Variants in SLC22A23 observed in about 807,000 individuals in gnomAD.
SLC22A23 encodes the protein solute carrier family 22 member 23.
SLC22A23 carries 26 observed loss-of-function variants against 61.0 expected under a neutral mutation model. The observed-to-expected ratio is 0.43, with a 90% confidence interval of 0.31 to 0.59. The LOEUF is 0.59. SLC22A23 is among the 20% of genes least tolerant of loss of function. The pLI, the probability that SLC22A23 is intolerant of heterozygous loss-of-function variation, is 0.11. For synonymous variants in SLC22A23, 430 were observed against 413.9 expected (o/e 1.04, Z -0.47); for missense variants, 796 against 934.7 (o/e 0.85, Z 1.94).
At chr6:3,384,659 A>C (rs1363947435) in intron 3 of SLC22A23, among the ~76,000 whole-genome samples, 1 of 152,222 alleles carries the variant, frequency 6.6e-6, no homozygotes, top group Non-Finnish European at 1.5e-5. Flanking sequence ...TGCTTATGGT[A>C]AGTTAAGCCA....
At chr6:3,334,041 T>G (rs1455881963) in intron 3 of SLC22A23, among the ~76,000 whole-genome samples, 2 of 152,196 alleles carry the variant, frequency 1.3e-5, no homozygotes, top group Non-Finnish European at 2.9e-5. Flanking sequence ...AGCCCTGAGA[T>G]CCTATAATTA....
At position 3,456,228 on chromosome 6, in the gene SLC22A23, C is replaced by T. The variant is rs943997820; in HGVS notation, c.332G>A (p.Gly111Asp). The change falls in exon 1 of 10, where the codon GGC becomes GAC. Residue 111 changes from glycine to aspartate, a missense_variant. Gly to Asp is a moderately conservative substitution (Grantham distance 94, BLOSUM62 -1). Coordinates refer to ENST00000406686, the MANE Select transcript of SLC22A23 (RefSeq NM_015482.2). The surrounding 1 kb of genome is among the most constrained non-coding windows in gnomAD (Gnocchi z 7.1). ...LLTWIPALFIGFSQFSDSFLL... is the reference protein window; with the variant it reads ...LLTWIPALFIDFSQFSDSFLL... ...GAACGAGTCCGAGAACTGGCTGAAG[C>T]CGATGAACAGCGCCGGGATCCAGGT... 6.4e-7 allele frequency: 1 copy of T among 1,551,406 alleles called. No homozygotes were observed. Among genetic ancestry groups the T allele is most frequent in the East Asian group, 2.4e-5 (1 of 40,996 alleles).
At chr6:3,300,890 C>T (rs1252419671) in intron 4 of SLC22A23, among the ~76,000 whole-genome samples, 1 of 152,156 alleles carries the variant, frequency 6.6e-6, no homozygotes, top group Admixed American at 6.5e-5. Flanking sequence ...AAAAGCTGTC[C>T]TGCTGAGCAG....
intron 3 of SLC22A23, among the ~76,000 whole-genome samples, chr6:3,401,535 C>G (rs1768391704): frequency 6.6e-6 from 1 of 152,172 alleles, no homozygotes; most frequent in African/African-American, 2.4e-5. Context: ...TTACATTAAT[C>G]ACTACATGGA....
At chr6:3,432,406 G>A (rs1770926546) in intron 1 of SLC22A23, 2 of 985,294 alleles carry the variant, frequency 2.0e-6, no homozygotes, top group Non-Finnish European at 2.4e-6. Context: ...GAACCTAAAG[G>A]AACCAATCTT....
rs1758388926 is a variant in SLC22A23 at position 3,270,184 on chromosome 6, A to C, written c.*2871T>G. On this transcript the variant is annotated 3_prime_UTR_variant, in exon 10 of 10. Coordinates refer to ENST00000406686, the MANE Select transcript of SLC22A23 (RefSeq NM_015482.2). ...AACGGAGGGGTGTGTGGAGGAGAGT[A>C]GCAGGGGGTGGGAGGGTCAAGTTGA... 1 of 152,396 alleles carries C rather than the reference A, an allele frequency of 6.6e-6. No individual in the cohort carries two copies. The highest frequency in any genetic ancestry group is 1.9e-4 in the East Asian group (1 of 5,326). 9.4% of individuals were successfully genotyped at this position (152,396 alleles called of 1,614,324 possible).
intron 5 of SLC22A23, chr6:3,290,927 CAAG>C (rs912166893): frequency 8.5e-5 from 13 of 152,306 alleles, no homozygotes; most frequent in African/African-American, 3.1e-4. Context: ...TCACCAGAAA[CAAG>C]AAAGACTGAG....
At chr6:3,413,816 T>C (rs890443358) in intron 2 of SLC22A23, among the ~76,000 whole-genome samples, 2 of 152,004 alleles carry the variant, frequency 1.3e-5, no homozygotes, top group Admixed American at 6.5e-5. Context: ...TGCCAGAAAA[T>C]GGAGTTGGAA....
intron 3 of SLC22A23, among the ~76,000 whole-genome samples, chr6:3,334,220 G>A (rs1030236526): frequency 6.6e-6 from 1 of 152,168 alleles, no homozygotes; most frequent in Non-Finnish European, 1.5e-5. Flanking sequence ...GGAGTGCAAT[G>A]GCACAATCTT....
intron 4 of SLC22A23, among the ~76,000 whole-genome samples, chr6:3,307,589 G>C (rs909208231): frequency 6.6e-6 from 1 of 152,212 alleles, no homozygotes; most frequent in South Asian, 2.1e-4. Flanking sequence ...CTGAGGCCCA[G>C]GCCCTGCTGG....
At chr6:3,314,530 T>C (rs9378782) in intron 4 of SLC22A23, among the ~76,000 whole-genome samples, 48,498 of 152,142 alleles carry the variant, frequency 0.32, 8,558 homozygotes, top group East Asian at 0.59. Context: ...AGCTAAGTTA[T>C]GTAAAGTGCT....
In SLC22A23 at chr6:3,309,194, A is replaced by G. The variant is rs911585501; in HGVS notation, c.1083-10976T>C. Reference sequence around the variant, plus strand: ...CGGCTGCCTATAATCCCAGCTATTCAGGAGGCTGAGACAGGAGAATCGCTT... The same window carrying G: ...CGGCTGCCTATAATCCCAGCTATTCGGGAGGCTGAGACAGGAGAATCGCTT... On this transcript the variant is annotated intron_variant, in intron 4 of 9. Coordinates refer to ENST00000406686, the MANE Select transcript of SLC22A23 (RefSeq NM_015482.2). This position sits in a 1 kb window ranked among gnomAD's most constrained non-coding sequence, Gnocchi z 4.7. 6.6e-6 allele frequency among the ~76,000 whole-genome samples: 1 copy of G among 151,988 alleles called. No individual in the cohort carries two copies. Among genetic ancestry groups the G allele is most frequent in the African/African-American group, 2.4e-5 (1 of 41,374 alleles).
chr6:3,287,265 G>A (rs544857149), intron 6 of SLC22A23, among the ~76,000 whole-genome samples, 174 bp from the exon 7 acceptor site: 2 of 152,340 alleles, frequency 1.3e-5, no homozygotes, highest in African/African-American at 2.4e-5. Flanking sequence ...TGCAAAAGAG[G>A]AGACGTGGGA....
chr6:3,371,411 G>A (rs1766208909), intron 3 of SLC22A23, among the ~76,000 whole-genome samples: 1 of 152,222 alleles, frequency 6.6e-6, no homozygotes, highest in African/African-American at 2.4e-5. Context: ...ATTTTCATGT[G>A]TCACAAAACA....
intron 3 of SLC22A23, among the ~76,000 whole-genome samples, chr6:3,397,554 T>C (rs114160069): frequency 2.0e-5 from 3 of 152,244 alleles, no homozygotes; most frequent in Non-Finnish European, 2.9e-5. Flanking sequence ...ATGGTTACTA[T>C]GAAATTTACA....
At chr6:3,291,419 G>GT (rs1488230611) in intron 5 of SLC22A23, 1 of 152,246 alleles carries the variant, frequency 6.6e-6, no homozygotes. Context: ...TTTGAACTGA[G>GT]TGTCACCAGC....
intron 3 of SLC22A23, among the ~76,000 whole-genome samples, chr6:3,353,866 C>T (rs1242351993): frequency 6.6e-6 from 1 of 152,208 alleles, no homozygotes; most frequent in Non-Finnish European, 1.5e-5. Context: ...CCAGTTCTGG[C>T]CCAGAGCATG....
intron 3 of SLC22A23, among the ~76,000 whole-genome samples, chr6:3,359,991 C>T (rs1324770049): frequency 1.3e-5 from 2 of 152,070 alleles, no homozygotes; most frequent in South Asian, 2.1e-4. Context: ...AGACATTATG[C>T]TAAGTGAAGT....
rs1223469515 is a variant in SLC22A23 at position 3,271,824 on chromosome 6, G to A, written c.*1231C>T. The A allele has an allele frequency of 1.3e-5, 2 of 152,440 alleles. No homozygotes were observed. Among genetic ancestry groups the A allele is most frequent in the African/African-American group, 4.8e-5 (2 of 41,474 alleles). The allele number at this position is 152,440 out of a possible 1,614,324, so 9.4% of individuals were successfully genotyped here. A position where few individuals can be genotyped will look rare whatever the true frequency, so the allele number is the denominator to read the frequency against. On this transcript the variant is annotated 3_prime_UTR_variant, in exon 10 of 10. Coordinates refer to ENST00000406686, the MANE Select transcript of SLC22A23 (RefSeq NM_015482.2). ...ACCCATGGAGGTCGAGGCAGGGGCA[G>A]CGTTGAGCTTTGGTGAGTTATTGCT...
Sources: gnomAD v4.1 joint callset for allele counts (sites outside exome capture counted in the v4.1 genomes callset) on GRCh38, gnomAD v4.1.1 for gene constraint, Gnocchi (gnomAD v3.1) non-coding constraint, MANE v1.5 for transcripts, NCBI Gene and HGNC (gene_info 2026-07-23, HGNC 2026-07-21) for gene names.